SAMD12: variants seen among roughly 807,000 people sequenced by gnomAD.
SAMD12 encodes sterile alpha motif domain-containing protein 12.
In SAMD12, 9 loss-of-function variants were observed where a neutral mutation model predicts 15.0. The observed-to-expected ratio is 0.60, with a 90% CI of 0.36 to 1.05. The LOEUF is 1.05. SAMD12 is among the 50% of genes least tolerant of loss of function. SAMD12 has a pLI of 0.01. For missense variants in SAMD12, 230 were observed against 234.2 expected (o/e 0.98, Z 0.12); for synonymous variants, 86 against 90.1 (o/e 0.96, Z 0.25).
chr8:118,286,144 A>G (rs1237062240), intron 4 of SAMD12, among the ~76,000 whole-genome samples: 3 of 136,844 alleles, frequency 2.2e-5, no homozygotes, highest in Admixed American at 7.5e-5. Context: ...AGGAAGGGGG[A>G]CATCACACAC....
At chr8:118,376,331 A>C (rs903791462), downstream of SAMD12, among the ~76,000 whole-genome samples, 1 of 152,096 alleles carries the variant, frequency 6.6e-6, no homozygotes, top group Middle Eastern at 3.2e-3. Flanking sequence ...AGGTGATGGT[A>C]TTGGACGGTG....
intron 4 of SAMD12, among the ~76,000 whole-genome samples, chr8:118,222,421 A>G (rs17485114): frequency 3.3e-5 from 5 of 152,174 alleles, no homozygotes; most frequent in African/African-American, 9.7e-5. Flanking sequence ...TCTAATTTAG[A>G]AAGTGGAGAT....
intron 2 of SAMD12, among the ~76,000 whole-genome samples, chr8:118,441,236 T>C (rs1822752770): frequency 6.6e-6 from 1 of 152,236 alleles, no homozygotes; most frequent in Non-Finnish European, 1.5e-5. Flanking sequence ...AGTTACCCTT[T>C]ATTTTATGGC....
At chr8:118,366,379 A>G (rs1280758561) in intron 4 of SAMD12, among the ~76,000 whole-genome samples, 1 of 152,186 alleles carries the variant, frequency 6.6e-6, no homozygotes, top group Non-Finnish European at 1.5e-5. Context: ...TCTCCTTAAC[A>G]TGACTTCAAA....
intron 4 of SAMD12, among the ~76,000 whole-genome samples, chr8:118,364,295 T>A (rs1211113323): frequency 6.6e-6 from 1 of 152,184 alleles, no homozygotes; most frequent in African/African-American, 2.4e-5. Flanking sequence ...GGAGGTGGAA[T>A]TTCAGCAGTG....
the SAMD12 span, among the ~76,000 whole-genome samples, chr8:118,151,122 T>A: frequency 2.0e-5 from 3 of 152,178 alleles, no homozygotes; most frequent in Admixed American, 2.0e-4. Flanking sequence ...CTAGCTCACA[T>A]TATTTCTAAT....
At chr8:118,615,227 C>T (rs991157285) in intron 1 of SAMD12, among the ~76,000 whole-genome samples, 2 of 152,170 alleles carry the variant, frequency 1.3e-5, no homozygotes, top group African/African-American at 2.4e-5. Flanking sequence ...CAAAATCCTA[C>T]TCAAAAGCTC....
intron 2 of SAMD12, among the ~76,000 whole-genome samples, chr8:118,516,656 A>G (rs1397421967): frequency 7.2e-6 from 1 of 138,452 alleles, no homozygotes; most frequent in African/African-American, 2.8e-5. Flanking sequence ...TTTTTTGGAG[A>G]TGGAGTCTCA....
intron 2 of SAMD12, among the ~76,000 whole-genome samples, chr8:118,493,764 G>A (rs965501630): frequency 5.3e-5 from 8 of 152,070 alleles, no homozygotes; most frequent in African/African-American, 1.7e-4. Context: ...TGCAACCTTG[G>A]GTGGAACACT....
chr8:118,353,797 G>C (rs1818082872), intron 4 of SAMD12, among the ~76,000 whole-genome samples: 1 of 151,964 alleles, frequency 6.6e-6, no homozygotes, highest in Non-Finnish European at 1.5e-5. Context: ...GGACTATGCA[G>C]CCTGCCATCC....
chr8:118,550,164 G>C (rs1252893347), intron 2 of SAMD12, among the ~76,000 whole-genome samples: 1 of 152,088 alleles, frequency 6.6e-6, no homozygotes, highest in Non-Finnish European at 1.5e-5. Context: ...TTCAGATTCA[G>C]GAAACACAGA....
intron 2 of SAMD12, among the ~76,000 whole-genome samples, chr8:118,533,636 C>A (rs1440283123): frequency 6.6e-6 from 1 of 152,198 alleles, no homozygotes; most frequent in Non-Finnish European, 1.5e-5. Context: ...GTATTAGATG[C>A]ATATATAATT....
chr8:118,574,299 T>C (rs893592269), intron 2 of SAMD12, among the ~76,000 whole-genome samples: 1 of 152,266 alleles, frequency 6.6e-6, no homozygotes, highest in Admixed American at 6.5e-5. Context: ...TCAAATGGCA[T>C]ATCCTGTACT....
At chr8:118,170,614 G>T in the SAMD12 span, among the ~76,000 whole-genome samples, 1 of 152,142 alleles carries the variant, frequency 6.6e-6, no homozygotes, top group African/African-American at 2.4e-5. Flanking sequence ...TGCTGGAATA[G>T]TTAAACATCT....
intron 1 of SAMD12, among the ~76,000 whole-genome samples, chr8:118,618,820 C>T (rs995690129): frequency 7.5e-5 from 10 of 132,952 alleles, no homozygotes; most frequent in African/African-American, 2.8e-4. Context: ...GCCTGGGCGA[C>T]AGAGCAAGAC....
the SAMD12 span, among the ~76,000 whole-genome samples, chr8:118,176,496 A>G: frequency 6.6e-6 from 1 of 152,200 alleles, no homozygotes; most frequent in South Asian, 2.1e-4. Flanking sequence ...AAAAAGAATG[A>G]TATCATGGCC....
chr8:118,455,142 C>T (rs562862801), intron 2 of SAMD12, among the ~76,000 whole-genome samples: 29 of 152,280 alleles, frequency 1.9e-4, no homozygotes, highest in South Asian at 4.2e-4. Flanking sequence ...CACTGAGACA[C>T]GCAGGTTGCT....
At chr8:118,508,378 A>G (rs1824983326) in intron 2 of SAMD12, among the ~76,000 whole-genome samples, 1 of 152,212 alleles carries the variant, frequency 6.6e-6, no homozygotes, top group Non-Finnish European at 1.5e-5. Context: ...CTTAAAGTAT[A>G]AGAAAAAAAT....
chr8:118,222,176 G>T (rs1563702309), intron 4 of SAMD12, among the ~76,000 whole-genome samples: 1 of 152,066 alleles, frequency 6.6e-6, no homozygotes, highest in Non-Finnish European at 1.5e-5. Flanking sequence ...ATTAAGGGAA[G>T]GGCAGTTATT....
Sources: gnomAD v4.1 joint callset for allele counts (sites outside exome capture counted in the v4.1 genomes callset) on GRCh38, gnomAD v4.1.1 for gene constraint, MANE v1.5 for transcripts, NCBI Gene and HGNC (gene_info 2026-07-23, HGNC 2026-07-21) for gene names.